RFPL2: variants seen among roughly 807,000 people sequenced by gnomAD.
RFPL2 encodes the protein ret finger protein-like 2.
In RFPL2, 13 loss-of-function variants were observed where a neutral mutation model predicts 17.8. That is an observed-to-expected ratio of 0.73 (90% CI 0.47 to 1.16). The LOEUF is 1.16. Among genes scored for constraint, RFPL2 ranks in the 50% most tolerant of loss-of-function variants. RFPL2 has a pLI of 0.00. For synonymous variants in RFPL2, 189 were observed against 180.9 expected (o/e 1.04, Z -0.36); for missense variants, 431 against 479.3 (o/e 0.90, Z 0.94).
chr22:32,198,659 C>T (rs1280142530), intron 2 of RFPL2, among the ~76,000 whole-genome samples: 2 of 151,986 alleles, frequency 1.3e-5, no homozygotes, highest in East Asian at 1.9e-4. Context: ...TTCTGTATCT[C>T]GTGTTGGCTT....
chr22:32,203,019 C>G (rs1389447199), intron 1 of RFPL2: 1 of 986,048 alleles, frequency 1.0e-6, no homozygotes, highest in Non-Finnish European at 1.2e-6. Flanking sequence ...CGCACTTGAG[C>G]AAGAACAGGA....
intron 1 of RFPL2, among the ~76,000 whole-genome samples, chr22:32,204,352 G>T (rs1569357499): frequency 6.6e-6 from 1 of 152,050 alleles, no homozygotes; most frequent in South Asian, 2.1e-4. Context: ...AAGCCACCCC[G>T]CGGCTGCGGG....
intron 2 of RFPL2, chr22:32,199,987 C>G: frequency 1.9e-6 from 1 of 523,154 alleles, no homozygotes; most frequent in Non-Finnish European, 3.9e-6. Flanking sequence ...AGCCAAAAGG[C>G]CACACTGCTG....
intron 2 of RFPL2, among the ~76,000 whole-genome samples, chr22:32,201,552 T>G (rs1054987022): frequency 1.4e-4 from 21 of 152,188 alleles, no homozygotes; most frequent in African/African-American, 4.8e-4. Context: ...GACATGGCGA[T>G]TCTCTCAGGT....
In RFPL2 at chr22:32,190,991, C is replaced by G. The variant is rs1922544392; in HGVS notation, c.918G>C (p.Val306=). ...FLFVDRKLQR[V]GIFLDMGMQN... Reference sequence around the variant, plus strand: ...GCATGCCCATATCCAGAAAAATCCCCACTCGCTGTAACTTGCGGTCTACGA... The same window carrying G: ...GCATGCCCATATCCAGAAAAATCCCGACTCGCTGTAACTTGCGGTCTACGA... The change falls in exon 5 of 5, where the codon GTG becomes GTC. Residue 306 remains valine, a synonymous_variant. Transcript: ENST00000652607. 1.2e-6 allele frequency: 2 copies of G among 1,611,478 alleles called. No individual in the cohort carries two copies. The highest frequency in any genetic ancestry group is 1.7e-6 in the Non-Finnish European group (2 of 1,178,400).
At chr22:32,195,962 T>C (rs1433268299) in intron 2 of RFPL2, among the ~76,000 whole-genome samples, 3 of 151,610 alleles carry the variant, frequency 2.0e-5, no homozygotes, top group Non-Finnish European at 2.9e-5. Flanking sequence ...AAAGCCCATT[T>C]CTCCCATCTA....
At chr22:32,196,674 C>G (rs574064079) in intron 2 of RFPL2, among the ~76,000 whole-genome samples, 2 of 152,230 alleles carry the variant, frequency 1.3e-5, no homozygotes, top group South Asian at 4.1e-4. Context: ...GTGAGAATGA[C>G]TTATGAAAAG....
intron 3 of RFPL2, among the ~76,000 whole-genome samples, chr22:32,194,118 A>T (rs1923055899): frequency 6.6e-6 from 1 of 152,120 alleles, no homozygotes; most frequent in Non-Finnish European, 1.5e-5. Context: ...AAAAATAAAA[A>T]AAATTACATC....
intron 3 of RFPL2, chr22:32,193,423 G>A: frequency 5.4e-6 from 8 of 1,490,810 alleles, no homozygotes; most frequent in Non-Finnish European, 7.1e-6. Context: ...AGCTGAGGTG[G>A]AGGAAGCGTC....
intron 2 of RFPL2, among the ~76,000 whole-genome samples, chr22:32,196,293 T>G (rs534384120): frequency 3.7e-4 from 57 of 152,382 alleles, no homozygotes; most frequent in African/African-American, 1.3e-3. Context: ...TCAAATAACT[T>G]GAATATAATC....
chr22:32,192,091 C>T (rs1922720343), intron 4 of RFPL2, among the ~76,000 whole-genome samples: 1 of 152,144 alleles, frequency 6.6e-6, no homozygotes, highest in African/African-American at 2.4e-5. Context: ...GGGTTCCAAA[C>T]ATGACTTGGG....
At chr22:32,194,081 C>A (rs1251951983) in intron 3 of RFPL2, among the ~76,000 whole-genome samples, 1 of 100,178 alleles carries the variant, frequency 1.0e-5, no homozygotes, top group East Asian at 2.0e-4. Flanking sequence ...GAGTTAAGAC[C>A]CGTCTCACCA....
At position 32,191,155 on chromosome 22, in the gene RFPL2, C is replaced by G. The variant is rs2149522504; in HGVS notation, c.754G>C (p.Glu252Gln). Residue 252 changes from glutamate to glutamine, a missense_variant, in exon 5 of 5, where the codon GAA (glutamate) becomes CAA (glutamine). Physicochemically the swap from Glu to Gln is conservative, Grantham distance 29. Transcript: ENST00000652607. ...TCTCTGCAGACTCCCAGGTCCCATT[C>G]TGTGCTTGTTCCCACGTCCACCTCC... The part of the protein sequence containing the change: ...CWEVDVGTST[E>Q]WDLGVCRESV... 1 of 1,613,974 alleles carries G rather than the reference C, an allele frequency of 6.2e-7. No homozygotes were observed. Among genetic ancestry groups the G allele is most frequent in the Middle Eastern group, 1.7e-4 (1 of 6,056 alleles).
intron 2 of RFPL2, among the ~76,000 whole-genome samples, chr22:32,200,781 T>G (rs1370700974): frequency 6.6e-6 from 1 of 152,054 alleles, no homozygotes; most frequent in Non-Finnish European, 1.5e-5. Context: ...ATGCCCTCTT[T>G]TCTCTCTGCC....
intron 1 of RFPL2, among the ~76,000 whole-genome samples, chr22:32,203,979 C>T (rs1343985058): frequency 6.6e-6 from 1 of 151,080 alleles, no homozygotes; most frequent in Non-Finnish European, 1.5e-5. Context: ...CAGTGTAGCT[C>T]CCGATAGTGC....
At position 32,204,479 on chromosome 22, in the gene RFPL2, G is replaced by T. The variant is rs192756149; in HGVS notation, c.-100+228C>A. ...TAGCCCACGATGGCGCCCTCAATCC[G>T]CCCCCGCTCCCACCTCGGGCAGTGC... is the stretch of plus-strand genomic sequence containing the variant. On this transcript the variant is annotated intron_variant, in intron 1 of 4. Coordinates refer to ENST00000652607, the MANE Select transcript of RFPL2 (RefSeq NM_001394555.1). Among the ~76,000 whole-genome samples the T allele has an allele frequency of 4.5e-3, 688 of 151,910 alleles. 6 individuals are homozygous for T. Among genetic ancestry groups the T allele is most frequent in the African/African-American group, 0.016 (666 of 41,462 alleles).
At chr22:32,200,813 C>T (rs1041720893) in intron 2 of RFPL2, among the ~76,000 whole-genome samples, 3 of 152,062 alleles carry the variant, frequency 2.0e-5, no homozygotes, top group African/African-American at 2.4e-5. Flanking sequence ...CCCTGAAAGC[C>T]GGGCTGTCCA....
chr22:32,203,179 C>A, intron 1 of RFPL2: 1 of 776,992 alleles, frequency 1.3e-6, no homozygotes, highest in Non-Finnish European at 1.6e-6. Flanking sequence ...GCGCTGGCAG[C>A]CTGCCCCCTG....
At chr22:32,199,489 C>A (rs1569353603) in intron 2 of RFPL2, among the ~76,000 whole-genome samples, 1 of 152,156 alleles carries the variant, frequency 6.6e-6, no homozygotes, top group Non-Finnish European at 1.5e-5. Context: ...GATCTGGGAG[C>A]AAACAGAGCT....
Sources: allele counts gnomAD v4.1 joint callset (sites outside exome capture counted in the v4.1 genomes callset), GRCh38; gene constraint gnomAD v4.1.1; transcripts MANE v1.5; gene names NCBI Gene and HGNC (gene_info 2026-07-23, HGNC 2026-07-21).